MYH11: variants seen among roughly 807,000 people sequenced by gnomAD.
The protein encoded by MYH11 is myosin heavy chain 11, also known as myosin-11.
A neutral mutation model predicts 246.6 loss-of-function variants in MYH11; 80 were observed. The observed-to-expected ratio is 0.32, with a 90% CI of 0.27 to 0.39. The LOEUF (loss-of-function observed/expected upper bound fraction) is 0.39. Ranked by LOEUF, MYH11 falls within the 10% of genes least tolerant of loss-of-function variation. The pLI, the probability that MYH11 is intolerant of heterozygous loss-of-function variation, is 1.00. For missense variants in MYH11, 2,158 were observed against 2,546.8 expected (o/e 0.85, Z 3.29); for synonymous variants, 1,071 against 1,015.5 (o/e 1.05, Z -1.04).
rs140479999 is a variant in MYH11 at position 15,737,507 on chromosome 16, C to A, written c.3235G>T (p.Ala1079Ser). 6 of 1,613,910 alleles carry A rather than the reference C, an allele frequency of 3.7e-6. No homozygotes were observed. Among genetic ancestry groups the A allele is most frequent in the Middle Eastern group, 3.3e-4 (2 of 6,060 alleles). The change falls in exon 25 of 41, where the codon GCA becomes TCA. Residue 1079 changes from alanine to serine, a missense_variant. This residue lies in a region of MYH11 where 284 missense variants were observed against 315.4 expected (regional missense o/e 0.90). Transcript: ENST00000300036. ...EQIADLQAQI[A>S]ELKMQLAKKE... ...TTGGCCAGCTGCATCTTGAGCTCTG[C>A]GATCTGCGCCTGGAGGTCAGCGATC...
rs890856227 is a variant in MYH11 at position 15,719,283 on chromosome 16, C to T, written c.5108G>A (p.Arg1703His). 14 of 1,612,420 alleles carry T rather than the reference C, an allele frequency of 8.7e-6. No homozygotes were observed. The highest frequency in any genetic ancestry group is 8.3e-5 in the Admixed American group (5 of 59,986). ...QEDLAAAERA[R>H]KQADLEKEEL... ...CTCCTTCTCGAGGTCCGCTTGTTTG[C>T]GAGCCCTCTCAGCGGCGGCGAGGTC... Residue 1703 changes from arginine (R) to histidine (H), a missense_variant, in exon 36 of 41, where the codon CGC becomes CAC. Arg to His is a conservative substitution (Grantham distance 29, BLOSUM62 0). Coordinates refer to ENST00000300036, the MANE Select transcript of MYH11 (RefSeq NM_002474.3).
At chr16:15,796,691 C>T (rs1397570163) in intron 4 of MYH11, among the ~76,000 whole-genome samples, 1 of 152,106 alleles carries the variant, frequency 6.6e-6, no homozygotes. Flanking sequence ...TGTCTTGGAT[C>T]ATCTAGGTGG....
intron 28 of MYH11, chr16:15,726,440 C>T (rs7185993): frequency 0.45 from 131,099 of 290,452 alleles, 32,447 homozygotes; most frequent in East Asian, 0.7. Context: ...GTGCGGTCTC[C>T]GCACACTGCA....
intron 13 of MYH11, among the ~76,000 whole-genome samples, chr16:15,756,984 G>C (rs1164632945): frequency 1.3e-5 from 2 of 150,790 alleles, no homozygotes; most frequent in African/African-American, 4.9e-5. Context: ...ATTTTTAGTA[G>C]AGGCGGGGTT....
At chr16:15,809,827 G>A (rs2043097756) in intron 3 of MYH11, among the ~76,000 whole-genome samples, 1 of 151,500 alleles carries the variant, frequency 6.6e-6, no homozygotes, top group Non-Finnish European at 1.5e-5. Context: ...AGGCTGAGGT[G>A]GGAGGATCAC....
rs146074658 is a variant in MYH11, at chr16:15,733,441, C to A, written c.3507-733G>T. 8.4e-3 allele frequency among the ~76,000 whole-genome samples: 1,278 copies of A among 151,610 alleles called. 18 individuals are homozygous for A. The highest frequency in any genetic ancestry group is 0.03 in the African/African-American group (1,243 of 41,288). On this transcript the variant is annotated intron_variant, in intron 26 of 40. Transcript: ENST00000300036. ...AGAGATGGGGTTTCAACATGTTGGT[C>A]AGGCTGGTTTCGAACTCCTGACCTC...
chr16:15,719,166 G>GC, intron 36 of MYH11, 54 bp downstream of exon 36: 1 of 1,530,880 alleles, frequency 6.5e-7, no homozygotes, highest in Middle Eastern at 1.7e-4. Context: ...CGAGGATGCT[G>GC]CCTGTCCCCC....
chr16:15,720,449 G>A, intron 33 of MYH11, 137 bp from the exon 34 acceptor site: 1 of 1,255,150 alleles, frequency 8.0e-7, no homozygotes, highest in Non-Finnish European at 1.1e-6. Context: ...AGTTGCAGAT[G>A]AGAAAACGGA....
At position 15,750,060 on chromosome 16, in the gene MYH11, G is replaced by A. The variant is rs1001951982; in HGVS notation, c.2058+78C>T. The A allele has an allele frequency of 1.9e-6, 3 of 1,572,282 alleles. No homozygotes were observed. Among genetic ancestry groups the A allele is most frequent in the African/African-American group, 2.7e-5 (2 of 74,168 alleles). ...GGTCCTCGGGGTAGGTGGGGGCAGA[G>A]GGCGCCCTGGGGACGCTGTGACCGC... On this transcript the variant is annotated intron_variant, in intron 16 of 40. Transcript: ENST00000300036. This position sits in a 1 kb window ranked among gnomAD's most constrained non-coding sequence, Gnocchi z 4.3.
At chr16:15,753,572 G>C in intron 14 of MYH11, 64 bp from the exon 15 acceptor site, 1 of 1,265,048 alleles carries the variant, frequency 7.9e-7, no homozygotes, top group Non-Finnish European at 1.2e-6. Flanking sequence ...CCAAGGCCAG[G>C]ACCCCAGCCC....
chr16:15,797,622 A>C (rs2042773967), intron 4 of MYH11, among the ~76,000 whole-genome samples: 2 of 149,664 alleles, frequency 1.3e-5, no homozygotes, highest in South Asian at 4.2e-4. Context: ...GTCTATCCTC[A>C]TTATTTATAT....
intron 4 of MYH11, 43 bp from the exon 5 acceptor site, chr16:15,786,775 G>T: frequency 6.4e-7 from 1 of 1,550,968 alleles, no homozygotes; most frequent in South Asian, 1.1e-5. Context: ...GTTCCATGGT[G>T]ACCTTTCCGC....
chr16:15,786,842 A>G, intron 4 of MYH11, 110 bp from the exon 5 acceptor site: 1 of 1,031,410 alleles, frequency 9.7e-7, no homozygotes, highest in East Asian at 2.6e-5. Context: ...CCAGAGGGTG[A>G]AACAGAGGCT....
chr16:15,730,540 G>A (rs1357354016), intron 27 of MYH11, among the ~76,000 whole-genome samples: 1 of 152,014 alleles, frequency 6.6e-6, no homozygotes, highest in Non-Finnish European at 1.5e-5. Flanking sequence ...AGACTCCACT[G>A]CTCAAAAAAT....
At chr16:15,727,948 G>C (rs1039622508) in intron 27 of MYH11, among the ~76,000 whole-genome samples, 1 of 152,202 alleles carries the variant, frequency 6.6e-6, no homozygotes, top group Non-Finnish European at 1.5e-5. Context: ...TCCAGCCTGG[G>C]CAACAAAGTG....
At chr16:15,851,241 A>G (rs2151395684) in intron 1 of MYH11, among the ~76,000 whole-genome samples, 1 of 152,218 alleles carries the variant, frequency 6.6e-6, no homozygotes, top group African/African-American at 2.4e-5. Flanking sequence ...GGCACTCTAA[A>G]TGCACCTGCT....
At chr16:15,708,955 C>CT (rs772767049) in intron 40 of MYH11, 15 of 1,145,850 alleles carry the variant, frequency 1.3e-5, no homozygotes, top group African/African-American at 6.2e-5. Flanking sequence ...TAAAGGCACT[C>CT]TTTTTTATTT....
chr16:15,735,610 C>G (rs769768751), intron 25 of MYH11, 32 bp from the exon 26 acceptor site: 6 of 1,612,330 alleles, frequency 3.7e-6, no homozygotes, highest in Non-Finnish European at 4.2e-6. Context: ...GAATGAACCC[C>G]CAGGTCCCTT....
At chr16:15,791,769 G>A (rs142600765) in intron 4 of MYH11, 19 of 150,696 alleles carry the variant, frequency 1.3e-4, no homozygotes, top group African/African-American at 4.6e-4. Flanking sequence ...GAATTCCTAG[G>A]CTCAAGTGAT....
Sources: allele counts gnomAD v4.1 joint callset (sites outside exome capture counted in the v4.1 genomes callset), GRCh38; gene constraint gnomAD v4.1.1; regional missense constraint gnomAD v4.1.1; non-coding constraint Gnocchi (gnomAD v3.1); transcripts MANE v1.5; gene names NCBI Gene and HGNC (gene_info 2026-07-23, HGNC 2026-07-21).